The following NR6A1 variants were observed in gnomAD, a reference collection of about 807,000 sequenced individuals.
NR6A1 encodes the protein retinoic acid receptor-related testis-associated receptor.
Under a neutral mutation model 59.1 loss-of-function variants are expected in NR6A1, and 7 were observed. The ratio of observed to expected loss-of-function variants is 0.12; its 90% CI spans 0.07 to 0.22. The LOEUF (loss-of-function observed/expected upper bound fraction) is 0.22, where lower values mean the gene tolerates loss of function less well. Ranked by LOEUF, NR6A1 falls within the 10% of genes least tolerant of loss-of-function variation. NR6A1 has a pLI of 1.00. For synonymous variants in NR6A1, 243 were observed against 236.1 expected, an observed-to-expected ratio of 1.03 and a Z score of -0.27; for missense variants, 468 against 611.6, an observed-to-expected ratio of 0.77 and a Z score of 2.48.
In NR6A1 at chr9:124,606,982, G is replaced by C. The variant is rs556925914; in HGVS notation, c.143-52412C>G. Among the ~76,000 whole-genome samples, 7 of 152,226 alleles carry C rather than the reference G, an allele frequency of 4.6e-5. No individual in the cohort carries two copies. The East Asian group carries it at 1.4e-3, about 29-fold the overall frequency. On this transcript the variant is annotated intron_variant, in intron 2 of 9. Coordinates refer to ENST00000487099, the MANE Select transcript of NR6A1 (RefSeq NM_033334.4). ...GGCTTTGGAACTCAGGTTTTTGTTA[G>C]TTTAACCTTTAAATATGTTGAGTAA...
intron 2 of NR6A1, among the ~76,000 whole-genome samples, chr9:124,646,466 G>A (rs1836932301): frequency 6.6e-6 from 1 of 152,000 alleles, no homozygotes; most frequent in Non-Finnish European, 1.5e-5. Context: ...AATGAAATAG[G>A]GGACCTCACT....
At chr9:124,740,014 T>C (rs942079243) in intron 1 of NR6A1, among the ~76,000 whole-genome samples, 3 of 152,240 alleles carry the variant, frequency 2.0e-5, no homozygotes, top group Admixed American at 2.0e-4. Flanking sequence ...TATCTCTTTC[T>C]ACAAAACAGA....
At chr9:124,660,369 G>A (rs1330866313) in intron 2 of NR6A1, among the ~76,000 whole-genome samples, 3 of 152,180 alleles carry the variant, frequency 2.0e-5, no homozygotes, top group Non-Finnish European at 4.4e-5. Flanking sequence ...GTCAGCCTAC[G>A]AGTTAATCCT....
intron 2 of NR6A1, chr9:124,599,574 C>A: frequency 9.5e-7 from 1 of 1,053,868 alleles, no homozygotes; most frequent in Non-Finnish European, 1.3e-6. Flanking sequence ...TCCGTGGCAG[C>A]CGCCATGAGG....
At chr9:124,599,436 A>AG (rs1395762025) in intron 2 of NR6A1, 1 of 406,812 alleles carries the variant, frequency 2.5e-6, no homozygotes, top group African/African-American at 2.1e-5. Context: ...AAAAAAAAAA[A>AG]GTTCCTCTTC....
At chr9:124,689,955 A>T (rs1330456593) in intron 2 of NR6A1, among the ~76,000 whole-genome samples, 3 of 152,172 alleles carry the variant, frequency 2.0e-5, no homozygotes, top group Non-Finnish European at 4.4e-5. Flanking sequence ...CAAGGGTTTT[A>T]TATACAGGAA....
chr9:124,549,498 GC>G (rs1162157502), intron 3 of NR6A1, among the ~76,000 whole-genome samples: 1 of 152,110 alleles, frequency 6.6e-6, no homozygotes, highest in Admixed American at 6.6e-5. Flanking sequence ...GACAGACAGG[GC>G]CCAGTCTCCA....
chr9:124,524,612 C>T (rs1832880318), intron 9 of NR6A1, 109 bp downstream of exon 9: 3 of 1,225,856 alleles, frequency 2.4e-6, no homozygotes, highest in Non-Finnish European at 3.4e-6. Flanking sequence ...CTCTTTCATG[C>T]AGTTGGTGAT....
chr9:124,520,200 T>C lies in NR6A1; in HGVS notation c.*2505A>G, dbSNP rs1832771193. ...CTACACTCCTACCTTCTCCTCATAA[T>C]ACCTGAGTTTGCAATGCAACACATT... On this transcript the variant is annotated 3_prime_UTR_variant, in exon 10 of 10. Coordinates refer to ENST00000487099, the MANE Select transcript of NR6A1 (RefSeq NM_033334.4). 6.6e-6 allele frequency: 1 copy of C among 152,116 alleles called. No homozygotes were observed. 9.4% of individuals were successfully genotyped at this position (152,116 alleles called of 1,614,324 possible).
intron 2 of NR6A1, among the ~76,000 whole-genome samples, chr9:124,597,633 T>C (rs1441296021): frequency 6.6e-6 from 1 of 152,090 alleles, no homozygotes; most frequent in African/African-American, 2.4e-5. Context: ...CAACTAACAA[T>C]CCTTGATGCA....
At chr9:124,735,521 AAG>A (rs1255609576) in intron 1 of NR6A1, among the ~76,000 whole-genome samples, 2 of 152,194 alleles carry the variant, frequency 1.3e-5, no homozygotes, top group Admixed American at 1.3e-4. Flanking sequence ...CAGTCTAGGG[AAG>A]AAAGTCATAG....
intron 2 of NR6A1, among the ~76,000 whole-genome samples, chr9:124,717,626 T>C (rs1839441291): frequency 6.6e-6 from 1 of 152,240 alleles, no homozygotes; most frequent in Admixed American, 6.5e-5. Context: ...TTCTGTATCT[T>C]GATAGAATGT....
chr9:124,685,300 C>T (rs886666362), intron 2 of NR6A1, among the ~76,000 whole-genome samples: 13 of 152,206 alleles, frequency 8.5e-5, no homozygotes, highest in Non-Finnish European at 1.5e-4. Flanking sequence ...TTTTAGCAGG[C>T]TACATTTCCC....
intron 1 of NR6A1, among the ~76,000 whole-genome samples, chr9:124,766,368 G>C (rs1840932973): frequency 6.6e-6 from 1 of 152,202 alleles, no homozygotes; most frequent in South Asian, 2.1e-4. Context: ...ATTACAAAGA[G>C]TTGGGTATAT....
intron 2 of NR6A1, among the ~76,000 whole-genome samples, chr9:124,622,625 T>G (rs1286256518): frequency 2.0e-5 from 3 of 152,204 alleles, no homozygotes; most frequent in Non-Finnish European, 4.4e-5. Flanking sequence ...TTTGGGACTT[T>G]TGTTTTGATA....
At chr9:124,606,357 T>A (rs1415009388) in intron 2 of NR6A1, among the ~76,000 whole-genome samples, 1 of 152,132 alleles carries the variant, frequency 6.6e-6, no homozygotes, top group Admixed American at 6.6e-5. Flanking sequence ...CTGTGAATAT[T>A]CCAAGAACAA....
At chr9:124,761,149 A>G (rs951868782) in intron 1 of NR6A1, among the ~76,000 whole-genome samples, 1 of 152,260 alleles carries the variant, frequency 6.6e-6, no homozygotes, top group African/African-American at 2.4e-5. Flanking sequence ...GCAATTGAAG[A>G]TTTCACATGA....
chr9:124,524,742 G>C lies in NR6A1; in HGVS notation c.1333C>G (p.Pro445Ala), dbSNP rs888398509. ...TTACCTGCAATATATCGAATCTCAG[G>C]TAAGCACATCATGAGATCAGGAAAG... ...NRFPDLMMCL[P>A]EIRYIAGKMV... The change falls in exon 9 of 10, where the codon CCT (proline) becomes GCT (alanine). Residue 445 changes from proline (P) to alanine (A), a missense_variant. This residue lies in a region of NR6A1 where 176 missense variants were observed against 264.0 expected (regional missense o/e 0.67). Transcript: ENST00000487099. 2 of 1,613,746 alleles carry C rather than the reference G, an allele frequency of 1.2e-6. No individual in the cohort carries two copies. Among genetic ancestry groups the C allele is most frequent in the Non-Finnish European group, 1.7e-6 (2 of 1,179,884 alleles).
intron 2 of NR6A1, among the ~76,000 whole-genome samples, chr9:124,592,170 G>C (rs1371666163): frequency 2.6e-5 from 4 of 152,140 alleles, no homozygotes; most frequent in Non-Finnish European, 4.4e-5. Context: ...GTTTGTGTGT[G>C]AAAATGACAA....
Sources: allele counts gnomAD v4.1 joint callset (sites outside exome capture counted in the v4.1 genomes callset), GRCh38; gene constraint gnomAD v4.1.1; regional missense constraint gnomAD v4.1.1; transcripts MANE v1.5; gene names NCBI Gene and HGNC (gene_info 2026-07-23, HGNC 2026-07-21).